CEP85L: variants seen among roughly 807,000 people sequenced by gnomAD.
CEP85L encodes the protein centrosomal protein of 85 kDa-like.
In CEP85L, 60 loss-of-function variants were observed where a neutral mutation model predicts 100.3. That is an observed-to-expected ratio of 0.60 (90% confidence interval 0.49 to 0.74). The LOEUF is 0.74. Ranked by LOEUF, CEP85L falls within the 30% of genes least tolerant of loss-of-function variation. The pLI is 0.00. For synonymous variants in CEP85L, 319 were observed against 322.7 expected (o/e 0.99, Z 0.12); for missense variants, 973 against 936.2 (o/e 1.04, Z -0.51).
chr6:118,477,731 C>T (rs1773489683), intron 10 of CEP85L, among the ~76,000 whole-genome samples: 1 of 152,006 alleles, frequency 6.6e-6, no homozygotes, highest in Non-Finnish European at 1.5e-5. Flanking sequence ...TTATCTTTGT[C>T]TACTGAATAC....
At chr6:118,578,980 C>A (rs1226408120) in intron 2 of CEP85L, among the ~76,000 whole-genome samples, 2 of 152,064 alleles carry the variant, frequency 1.3e-5, no homozygotes, top group Non-Finnish European at 2.9e-5. Flanking sequence ...ACTGTAGCCC[C>A]AACCTCCCAA....
chr6:118,493,971 T>TA (rs747137899), intron 5 of CEP85L, among the ~76,000 whole-genome samples: 5 of 151,736 alleles, frequency 3.3e-5, no homozygotes, highest in Non-Finnish European at 5.9e-5. Flanking sequence ...CACTCAGTCC[T>TA]AAAAAAAATA....
At position 118,600,355 on chromosome 6, in the gene CEP85L, G is replaced by GTC. The variant is rs1562298028; in HGVS notation, c.232+32097_232+32098insGA. On this transcript the variant is annotated intron_variant, in intron 2 of 12. Coordinates refer to ENST00000368491, the MANE Select transcript of CEP85L (RefSeq NM_001042475.3). ...TGTGTGTGTGTGTGTGTGTGTGTGT[G>GTC]TGTGTGTGTGTGTGTAACGCCATGG... 3.0e-4 allele frequency among the ~76,000 whole-genome samples: 42 copies of GTC among 140,226 alleles called. 1 individual carries two copies. Among genetic ancestry groups the GTC allele is most frequent in the African/African-American group, 1.0e-3 (38 of 38,028 alleles). The allele number at this position is 140,226 out of a possible 152,430, so 92.0% of individuals were successfully genotyped here. A position where few individuals can be genotyped will look rare whatever the true frequency, so the allele number is the denominator to read the frequency against.
chr6:118,686,227 C>T (rs370160729), intron 1 of CEP85L, among the ~76,000 whole-genome samples: 9 of 151,622 alleles, frequency 5.9e-5, no homozygotes, highest in East Asian at 1.9e-4. Context: ...ACTTTATTGA[C>T]GTATCATTTA....
rs534210371 is a variant in CEP85L at position 118,522,605 on chromosome 6, T to G, written c.1139+1197A>C. ...CAAAATGTTGGGAATAGGCTGGGCA[T>G]GGTGACTCATGTTTGTAATCCTAGC... On this transcript the variant is annotated intron_variant, in intron 4 of 12. Coordinates refer to ENST00000368491, the MANE Select transcript of CEP85L (RefSeq NM_001042475.3). 1.6e-4 allele frequency among the ~76,000 whole-genome samples: 24 copies of G among 152,266 alleles called. No individual in the cohort carries two copies. The South Asian group carries it at 4.4e-3, about 28-fold the overall frequency.
chr6:118,621,525 A>C (rs1773444142), intron 2 of CEP85L, among the ~76,000 whole-genome samples: 1 of 152,136 alleles, frequency 6.6e-6, no homozygotes, highest in African/African-American at 2.4e-5. Flanking sequence ...ACCTAGGCCA[A>C]TTCTCAAGTC....
intron 12 of CEP85L, among the ~76,000 whole-genome samples, chr6:118,467,471 T>A (rs549092580): frequency 1.2e-4 from 19 of 152,118 alleles, no homozygotes; most frequent in African/African-American, 4.6e-4. Context: ...GGTGAGTAAA[T>A]GGAGCCATGA....
intron 3 of CEP85L, among the ~76,000 whole-genome samples, chr6:118,544,176 T>G (rs912674014): frequency 6.6e-6 from 1 of 152,194 alleles, no homozygotes; most frequent in South Asian, 2.1e-4. Flanking sequence ...TAAATTGAAA[T>G]AGAACCTTCT....
At chr6:118,651,619 C>G (rs1257504052), upstream of CEP85L, 16 of 1,018,516 alleles carry the variant, frequency 1.6e-5, no homozygotes, top group Non-Finnish European at 1.9e-5. Context: ...AGAGCCAGAG[C>G]CGGGGCTGGG....
At position 118,480,498 on chromosome 6, in the gene CEP85L, T is replaced by C. The variant is rs1773697062; in HGVS notation, c.1761A>G (p.Val587=). 3 of 1,605,586 alleles carry C rather than the reference T, an allele frequency of 1.9e-6. No homozygotes were observed. Among genetic ancestry groups the C allele is most frequent in the Non-Finnish European group, 2.6e-6 (3 of 1,174,510 alleles). ...VTTVQSLQQK[V]ERCLEDGIRL... ...GGATTCCATCTTCAAGGCATCTTTCTACTTTTTGTTGCAAACTATTTCAAA... is the reference window on the plus strand; with the variant it reads ...GGATTCCATCTTCAAGGCATCTTTCCACTTTTTGTTGCAAACTATTTCAAA... The change falls in exon 9 of 13, where the codon GTA becomes GTG. Residue 587 remains valine (V), a synonymous_variant. Transcript: ENST00000368491.
At chr6:118,578,919 A>G (rs1780404086) in intron 2 of CEP85L, among the ~76,000 whole-genome samples, 1 of 151,940 alleles carries the variant, frequency 6.6e-6, no homozygotes, top group South Asian at 2.1e-4. Flanking sequence ...TTTTTGAGAC[A>G]AAGTCTCACT....
chr6:118,487,838 A>G (rs1774288252), intron 6 of CEP85L, among the ~76,000 whole-genome samples: 1 of 152,166 alleles, frequency 6.6e-6, no homozygotes. Context: ...TCCAGCAATG[A>G]GTGAAGAAAC....
chr6:118,692,734 G>GACAA, intron 1 of CEP85L, among the ~76,000 whole-genome samples: 5 of 152,186 alleles, frequency 3.3e-5, no homozygotes, highest in Non-Finnish European at 2.9e-5. Flanking sequence ...AGAGATGGCA[G>GACAA]TGAGCTAGTT....
chr6:118,615,505 G>A (rs1300925510), intron 2 of CEP85L, among the ~76,000 whole-genome samples: 1 of 152,042 alleles, frequency 6.6e-6, no homozygotes, highest in East Asian at 1.9e-4. Flanking sequence ...GCAAAAGTCT[G>A]GGTTTCCCAC....
intron 10 of CEP85L, among the ~76,000 whole-genome samples, chr6:118,475,015 T>C (rs1773247549): frequency 6.6e-6 from 1 of 152,228 alleles, no homozygotes; most frequent in African/African-American, 2.4e-5. Context: ...GTGAAGCAAT[T>C]TATGCCACAG....
chr6:118,619,620 T>A (rs947076374), intron 2 of CEP85L, among the ~76,000 whole-genome samples: 2 of 152,034 alleles, frequency 1.3e-5, no homozygotes, highest in Non-Finnish European at 2.9e-5. Flanking sequence ...CCAAACTAAG[T>A]CCCTTACAAG....
At chr6:118,508,634 A>G (rs1775795537) in intron 5 of CEP85L, among the ~76,000 whole-genome samples, 1 of 152,120 alleles carries the variant, frequency 6.6e-6, no homozygotes, top group African/African-American at 2.4e-5. Context: ...CAAATTTTTA[A>G]TAAGAAAATA....
chr6:118,525,705 A>C (rs1229665579), intron 3 of CEP85L, among the ~76,000 whole-genome samples: 2 of 152,200 alleles, frequency 1.3e-5, no homozygotes, highest in African/African-American at 2.4e-5. Context: ...TCTAACTTTC[A>C]ACTTCCAGAA....
chr6:118,613,769 A>AAAAAAC (rs1474625359), intron 2 of CEP85L, among the ~76,000 whole-genome samples: 3 of 151,456 alleles, frequency 2.0e-5, no homozygotes, highest in Non-Finnish European at 4.4e-5. Flanking sequence ...AAAAAAAAAA[A>AAAAAAC]AAAATTCTGG....
Sources: gnomAD v4.1 joint callset for allele counts (sites outside exome capture counted in the v4.1 genomes callset) on GRCh38, gnomAD v4.1.1 for gene constraint, MANE v1.5 for transcripts, NCBI Gene and HGNC (gene_info 2026-07-23, HGNC 2026-07-21) for gene names.